The following ABCA8 variants were observed in gnomAD, a reference collection of about 807,000 sequenced individuals.
ABCA8 encodes ATP binding cassette subfamily A member 8.
ABCA8 carries 177 observed loss-of-function variants against 192.3 expected under a neutral mutation model. That is an observed-to-expected ratio of 0.92 (90% CI 0.81 to 1.04). The LOEUF (loss-of-function observed/expected upper bound fraction) is 1.04, where lower values mean the gene tolerates loss of function less well. ABCA8 is among the 50% of genes least tolerant of loss of function. ABCA8 has a pLI of 0.00. For missense variants in ABCA8, 1,915 were observed against 1,904.8 expected (o/e 1.01, Z -0.10); for synonymous variants, 642 against 690.2 (o/e 0.93, Z 1.09).
chr17:68,946,885 G>A (rs1301238949), intron 2 of ABCA8, among the ~76,000 whole-genome samples: 1 of 152,128 alleles, frequency 6.6e-6, no homozygotes, highest in Non-Finnish European at 1.5e-5. Context: ...AGGTTGCAGT[G>A]AGCCAAGATG....
At chr17:68,877,952 A>AT (rs957509366) in intron 32 of ABCA8, 43 of 327,716 alleles carry the variant, frequency 1.3e-4, no homozygotes, top group South Asian at 3.5e-4. Flanking sequence ...GTTTATATCC[A>AT]TTTTTTTTAA....
In ABCA8 at chr17:68,907,851, C is replaced by T. The variant is rs1209305154; in HGVS notation, c.2167G>A (p.Glu723Lys). Residue 723 changes from glutamate (E) to lysine (K), a missense_variant, in exon 18 of 40, where the codon GAA becomes AAA. Coordinates refer to ENST00000586539, the MANE Select transcript of ABCA8 (RefSeq NM_001288985.2). ...TGTTTAACAAGTGATGTTATGTTTT[C>T]CTCAACACATATTTCATTTAACTGC... ...SLQLNEICVEENITSLVKQHI... is the reference protein window; with the variant it reads ...SLQLNEICVEKNITSLVKQHI... 3 of 1,594,214 alleles carry T rather than the reference C, an allele frequency of 1.9e-6. No individual in the cohort carries two copies. The African/African-American group carries it at 4.1e-5, about 22-fold the overall frequency.
At chr17:68,876,188 T>G in intron 35 of ABCA8, 1 of 529,246 alleles carries the variant, frequency 1.9e-6, no homozygotes, top group South Asian at 2.2e-5. Context: ...GATCTAGAAA[T>G]GCACCTAAAA....
chr17:68,906,041 T>C lies in ABCA8; in HGVS notation c.2398+3A>G, dbSNP rs777075548. 6.3e-7 allele frequency: 1 copy of C among 1,581,316 alleles called. No homozygotes were observed. The highest frequency in any genetic ancestry group is 8.6e-7 in the Non-Finnish European group (1 of 1,165,418). On this transcript the variant is annotated splice_donor_region_variant and intron_variant, in intron 19 of 39. Transcript: ENST00000586539. ...CATAATAATTTTCATGCATTTTATTTACCCGATTCATTAATTGTAGATTTT... is the reference window on the plus strand; with the variant it reads ...CATAATAATTTTCATGCATTTTATTCACCCGATTCATTAATTGTAGATTTT...
At chr17:68,922,823 T>C (rs1052667302) in intron 11 of ABCA8, among the ~76,000 whole-genome samples, 1 of 152,192 alleles carries the variant, frequency 6.6e-6, no homozygotes, top group Admixed American at 6.5e-5. Flanking sequence ...CTTATCCCAT[T>C]ACAACCACTT....
chr17:68,913,626 A>C (rs2067277716), intron 17 of ABCA8, among the ~76,000 whole-genome samples: 1 of 152,230 alleles, frequency 6.6e-6, no homozygotes, highest in South Asian at 2.1e-4. Flanking sequence ...ATAAATTAGA[A>C]AACCTAGAAG....
chr17:68,893,721 CT>C (rs5821690), intron 23 of ABCA8, among the ~76,000 whole-genome samples: 1,669 of 127,678 alleles, frequency 0.013, 31 homozygotes, highest in African/African-American at 0.043. Flanking sequence ...TTCATATTCT[CT>C]TTTTTTTTTT....
chr17:68,940,926 AC>A lies in ABCA8; in HGVS notation c.132del (p.Leu44PhefsTer10), dbSNP rs1417465983. Reference sequence around the variant, plus strand: ...ACTTGATGACTATGAGGATATATATACAAACAAAGTAGTAGGAGCAATGAAT... The same window carrying A: ...ACTTGATGACTATGAGGATATATATAAAACAAAGTAGTAGGAGCAATGAAT... ...WLNSLLLLLC[L>X]YIYPHSHQVN... On this transcript the variant is annotated frameshift_variant, in exon 4 of 40. Transcript: ENST00000586539. LOFTEE classifies it high-confidence loss of function. 6.2e-7 allele frequency: 1 copy of A among 1,611,818 alleles called. No individual in the cohort carries two copies. The highest frequency in any genetic ancestry group is 1.1e-5 in the South Asian group (1 of 91,004).
rs1349513922 is a variant in ABCA8, at chr17:68,894,878, A to G, written c.2898+2T>C. ...CAGAAAGATTATTAGAGACCTGCAT[A>G]CCTTTTCATTACAACACACTGTGAT... On this transcript the variant is annotated splice_donor_variant, in intron 22 of 39. Transcript: ENST00000586539. LOFTEE classifies it high-confidence loss of function. The G allele has an allele frequency of 1.2e-6, 2 of 1,611,588 alleles. No homozygotes were observed. Among genetic ancestry groups the G allele is most frequent in the Non-Finnish European group, 1.7e-6 (2 of 1,179,090 alleles).
At position 68,918,561 on chromosome 17, in the gene ABCA8, GTATT is replaced by G; in HGVS notation, c.1789-19_1789-16del. On this transcript the variant is annotated splice_polypyrimidine_tract_variant and intron_variant, in intron 14 of 39. Transcript: ENST00000586539. ...ACCCTTTGTATCTAACCAAAAGACA[GTATT>G]TATGTCATACACCAAAATTTATTCC... 6.8e-7 allele frequency: 1 copy of G among 1,470,698 alleles called. No individual in the cohort carries two copies. Among genetic ancestry groups the G allele is most frequent in the Non-Finnish European group, 8.9e-7 (1 of 1,121,390 alleles). The allele number at this position is 1,470,698 out of a possible 1,614,324, so 91.1% of individuals were successfully genotyped here.
At chr17:68,886,848 G>T (rs1334945058) in intron 26 of ABCA8, 169 bp downstream of exon 26, 1 of 376,444 alleles carries the variant, frequency 2.7e-6, no homozygotes, top group Non-Finnish European at 4.7e-6. Flanking sequence ...TCTTATTAGG[G>T]ACTTTGGTGA....
Position 68,876,440 on chromosome 17 carries a change from A to G in ABCA8, c.4370+20T>C. On this transcript the variant is annotated intron_variant, in intron 35 of 39. Transcript: ENST00000586539. ...ATGCAAGTCATCCGTGCTGTCCCTG[A>G]CCGTGGTAATGTTCCTCACCACATT... 1 of 1,613,940 alleles carries G rather than the reference A, an allele frequency of 6.2e-7. No homozygotes were observed. Among genetic ancestry groups the G allele is most frequent in the South Asian group, 1.1e-5 (1 of 91,068 alleles).
At chr17:68,952,959 A>G (rs1293532199) in intron 1 of ABCA8, among the ~76,000 whole-genome samples, 2 of 152,140 alleles carry the variant, frequency 1.3e-5, no homozygotes, top group East Asian at 3.9e-4. Flanking sequence ...TTATTGCAGC[A>G]GGCACATAAA....
chr17:68,922,335 T>C, intron 11 of ABCA8, 35 bp from the exon 12 acceptor site: 1 of 1,304,836 alleles, frequency 7.7e-7, no homozygotes, highest in Non-Finnish European at 1.0e-6. Flanking sequence ...AAGTGACAAT[T>C]TTCTTCAGTT....
chr17:68,922,625 A>G (rs2067577027), intron 11 of ABCA8, among the ~76,000 whole-genome samples: 1 of 152,118 alleles, frequency 6.6e-6, no homozygotes, highest in East Asian at 1.9e-4. Context: ...AAAGCTAAGA[A>G]AGCAAGGCCA....
intron 38 of ABCA8, 130 bp downstream of exon 38, chr17:68,869,570 A>C: frequency 1.4e-6 from 1 of 705,486 alleles, no homozygotes; most frequent in Non-Finnish European, 2.5e-6. Flanking sequence ...TCTTCCTAAA[A>C]TTCAATTTGA....
intron 29 of ABCA8, 70 bp downstream of exon 29, chr17:68,883,721 T>C (rs1027991636): frequency 1.1e-5 from 11 of 1,027,020 alleles, no homozygotes; most frequent in African/African-American, 4.9e-5. Context: ...TGTTAATGAA[T>C]TGATTTATGC....
At chr17:68,943,517 C>T (rs1332890570) in intron 2 of ABCA8, among the ~76,000 whole-genome samples, 1 of 152,128 alleles carries the variant, frequency 6.6e-6, no homozygotes, top group East Asian at 1.9e-4. Flanking sequence ...TGCATAAATT[C>T]TCAAGAGAAT....
Position 68,910,619 on chromosome 17 carries a change from T to C in ABCA8, c.2139-2740A>G, listed in dbSNP as rs185510445. ...ACACCAGCTGGAGCAGCCAAGGGAG[T>C]GCCTGTTTCACCCCCTCCCCCAACA... On this transcript the variant is annotated intron_variant, in intron 17 of 39. Transcript: ENST00000586539. Among the ~76,000 whole-genome samples, 158 of 151,746 alleles carry C rather than the reference T, an allele frequency of 1.0e-3. 1 individual carries two copies. The South Asian group carries it at 0.015, about 14-fold the overall frequency.
Sources: allele counts gnomAD v4.1 joint callset (sites outside exome capture counted in the v4.1 genomes callset), GRCh38; gene constraint gnomAD v4.1.1; transcripts MANE v1.5; gene names NCBI Gene and HGNC (gene_info 2026-07-23, HGNC 2026-07-21).